Variants in ADGRL3 observed in about 807,000 individuals in gnomAD.
The protein encoded by ADGRL3 is calcium-independent alpha-latrotoxin receptor 3.
ADGRL3 carries 62 observed loss-of-function variants against 153.5 expected under a neutral mutation model. The observed-to-expected ratio is 0.40, with a 90% CI of 0.33 to 0.50. ADGRL3 has a LOEUF of 0.50. Among genes scored for constraint, ADGRL3 ranks in the 20% least tolerant of loss-of-function variants. ADGRL3 has a pLI of 0.47. For synonymous variants in ADGRL3, 710 were observed against 672.5 expected (o/e 1.06, Z -0.86); for missense variants, 1,641 against 1,859.4 (o/e 0.88, Z 2.16).
chr4:61,566,035 G>T (rs927822542), intron 4 of ADGRL3, among the ~76,000 whole-genome samples: 8 of 152,100 alleles, frequency 5.3e-5, no homozygotes, highest in African/African-American at 1.9e-4. Flanking sequence ...AGGAAAGGTG[G>T]GTAAGGGGAT....
chr4:61,798,704 G>A (rs1187952724), intron 8 of ADGRL3, among the ~76,000 whole-genome samples: 3 of 151,474 alleles, frequency 2.0e-5, no homozygotes, highest in Admixed American at 6.6e-5. Context: ...TGCAACCTCC[G>A]CCTCCTGGGT....
chr4:61,763,921 A>G (rs2096942271), intron 8 of ADGRL3, among the ~76,000 whole-genome samples: 1 of 152,216 alleles, frequency 6.6e-6, no homozygotes. Context: ...CAGTAGAATA[A>G]AAATGTATGC....
At chr4:61,913,730 C>CCTT (rs201175881) in intron 13 of ADGRL3, among the ~76,000 whole-genome samples, 2,247 of 152,118 alleles carry the variant, frequency 0.015, 55 homozygotes, top group African/African-American at 0.051. Flanking sequence ...CATCCGCTAT[C>CCTT]CTCGGTAGTA....
chr4:61,583,996 C>T (rs1314878471), intron 4 of ADGRL3, among the ~76,000 whole-genome samples: 3 of 151,978 alleles, frequency 2.0e-5, no homozygotes, highest in Non-Finnish European at 4.4e-5. Flanking sequence ...TGGCATTTTC[C>T]ATGTTTTAGT....
chr4:61,773,134 A>C (rs543179017), intron 8 of ADGRL3, among the ~76,000 whole-genome samples: 1 of 152,288 alleles, frequency 6.6e-6, no homozygotes, highest in South Asian at 2.1e-4. Flanking sequence ...TAGGGAAGAA[A>C]GAAAGAGCAC....
chr4:61,984,240 G>A (rs777122824), intron 19 of ADGRL3, among the ~76,000 whole-genome samples: 1 of 152,108 alleles, frequency 6.6e-6, no homozygotes, highest in Non-Finnish European at 1.5e-5. Context: ...TTTATGAGAA[G>A]AGATTAGAAA....
At chr4:62,022,055 A>G (rs959037791) in intron 21 of ADGRL3, among the ~76,000 whole-genome samples, 31 of 152,368 alleles carry the variant, frequency 2.0e-4, no homozygotes, top group Middle Eastern at 6.8e-3. Flanking sequence ...CTGAAAGCCA[A>G]TCCTCTTTAA....
At chr4:61,565,431 T>C (rs1279700911) in intron 4 of ADGRL3, among the ~76,000 whole-genome samples, 1 of 152,160 alleles carries the variant, frequency 6.6e-6, no homozygotes, top group Admixed American at 6.6e-5. Flanking sequence ...GGGAAATAAG[T>C]CTTGTATAAC....
At chr4:61,417,603 AT>A (rs60812302) in intron 2 of ADGRL3, among the ~76,000 whole-genome samples, 22,669 of 151,462 alleles carry the variant, frequency 0.15, 2,001 homozygotes, top group South Asian at 0.2. Context: ...GTTTGAGGTG[AT>A]TTTTTTTGTA....
intron 24 of ADGRL3, among the ~76,000 whole-genome samples, chr4:62,043,427 G>A (rs1392511130): frequency 6.6e-6 from 1 of 152,002 alleles, no homozygotes; most frequent in Non-Finnish European, 1.5e-5. Flanking sequence ...GTGTGTGTGT[G>A]CATGCACACA....
intron 5 of ADGRL3, among the ~76,000 whole-genome samples, chr4:61,676,497 C>A: frequency 6.6e-6 from 1 of 151,608 alleles, no homozygotes; most frequent in East Asian, 1.9e-4. Flanking sequence ...TCTTTCCTAT[C>A]AAATAGTCTT....
chr4:61,917,335 AT>A (rs909655277), intron 13 of ADGRL3, among the ~76,000 whole-genome samples: 7 of 152,244 alleles, frequency 4.6e-5, no homozygotes, highest in African/African-American at 1.7e-4. Context: ...CAGTACAACA[AT>A]TTTTTTCAAT....
At chr4:61,813,556 C>A (rs185380095) in intron 8 of ADGRL3, among the ~76,000 whole-genome samples, 180 of 151,608 alleles carry the variant, frequency 1.2e-3, no homozygotes, top group African/African-American at 4.2e-3. Flanking sequence ...TTAAAGTTAT[C>A]ACTCCATAAC....
chr4:61,371,706 G>A (rs1250674024), intron 1 of ADGRL3, among the ~76,000 whole-genome samples: 1 of 152,048 alleles, frequency 6.6e-6, no homozygotes, highest in Admixed American at 6.6e-5. Context: ...ACAATTATGT[G>A]TCTTGGAGTT....
chr4:61,301,085 A>T (rs1222205896), intron 1 of ADGRL3, among the ~76,000 whole-genome samples: 1 of 152,178 alleles, frequency 6.6e-6, no homozygotes, highest in African/African-American at 2.4e-5. Flanking sequence ...TCTAAATTCT[A>T]GCATAAAATA....
At chr4:62,001,974 C>T (rs944843094) in intron 21 of ADGRL3, among the ~76,000 whole-genome samples, 4 of 152,002 alleles carry the variant, frequency 2.6e-5, no homozygotes, top group African/African-American at 4.8e-5. Flanking sequence ...TGATTATACA[C>T]GTTCTTTCAC....
intron 4 of ADGRL3, among the ~76,000 whole-genome samples, chr4:61,575,036 T>G (rs1208549197): frequency 6.6e-6 from 1 of 151,872 alleles, no homozygotes; most frequent in Non-Finnish European, 1.5e-5. Flanking sequence ...GTCAGTTGAT[T>G]TTTTCTTAAC....
chr4:61,610,799 T>TA (rs1325300115), intron 5 of ADGRL3, among the ~76,000 whole-genome samples: 1 of 150,974 alleles, frequency 6.6e-6, no homozygotes, highest in Non-Finnish European at 1.5e-5. Context: ...AAGGAAATCT[T>TA]TTTTTTTCTT....
At chr4:61,427,626 G>C (rs936463868) in intron 2 of ADGRL3, 1 of 152,756 alleles carries the variant, frequency 6.5e-6, no homozygotes, top group Non-Finnish European at 1.5e-5. Context: ...GGCTGTTCCT[G>C]CTCTATTTTC....
Sources: gnomAD v4.1 joint callset for allele counts (sites outside exome capture counted in the v4.1 genomes callset) on GRCh38, gnomAD v4.1.1 for gene constraint, MANE v1.5 for transcripts, NCBI Gene and HGNC (gene_info 2026-07-23, HGNC 2026-07-21) for gene names.